The following HERC1 variants were observed in gnomAD, a reference collection of about 807,000 sequenced individuals.
HERC1 encodes HECT and RLD domain containing E3 ubiquitin protein ligase family member 1.
In HERC1, 160 loss-of-function variants were observed where a neutral mutation model predicts 554.3. That is an observed-to-expected ratio of 0.29 (90% CI 0.25 to 0.33). HERC1 has a LOEUF of 0.33. Ranked by LOEUF, HERC1 falls within the 10% of genes least tolerant of loss-of-function variation. The pLI is 1.00. For missense variants in HERC1, 4,919 were observed against 5,918.5 expected (o/e 0.83, Z 5.54); for synonymous variants, 2,175 against 2,131.7 (o/e 1.02, Z -0.56).
chr15:63,754,715 C>G, intron 6 of HERC1, 67 bp from the exon 7 acceptor site: 1 of 1,406,956 alleles, frequency 7.1e-7, no homozygotes, highest in Non-Finnish European at 9.7e-7. Flanking sequence ...CTTGACTTCA[C>G]AAGTATAATA....
chr15:63,609,323 T>C, intron 77 of HERC1, 57 bp from the exon 78 acceptor site: 2 of 1,470,546 alleles, frequency 1.4e-6, no homozygotes, highest in South Asian at 2.7e-5. Flanking sequence ...TAAGGGGGAG[T>C]GGGGCTGCCC....
At chr15:63,617,158 C>G (rs184088011) in intron 74 of HERC1, among the ~76,000 whole-genome samples, 1 of 152,198 alleles carries the variant, frequency 6.6e-6, no homozygotes, top group Non-Finnish European at 1.5e-5. Flanking sequence ...TATCCCTCCC[C>G]GCTCCCCTCA....
chr15:63,612,181 C>T lies in HERC1; in HGVS notation c.14400+70G>A. 1 of 1,353,654 alleles carries T rather than the reference C, an allele frequency of 7.4e-7. No individual in the cohort carries two copies. Among genetic ancestry groups the T allele is most frequent in the Admixed American group, 2.2e-5 (1 of 45,488 alleles). 83.9% of individuals were successfully genotyped at this position (1,353,654 alleles called of 1,614,324 possible). ...CCAGCCTGGGCCACAGAGTGAGACCCTGTCTCAACAAAAACAACAATGAAG... is the reference window on the plus strand; with the variant it reads ...CCAGCCTGGGCCACAGAGTGAGACCTTGTCTCAACAAAAACAACAATGAAG... On this transcript the variant is annotated intron_variant, in intron 77 of 77. Coordinates refer to ENST00000443617, the MANE Select transcript of HERC1 (RefSeq NM_003922.4). The surrounding 1 kb of genome is among the most constrained non-coding windows in gnomAD (Gnocchi z 5.0).
intron 1 of HERC1, among the ~76,000 whole-genome samples, chr15:63,800,286 G>A (rs1001158808): frequency 1.3e-5 from 2 of 152,168 alleles, no homozygotes; most frequent in Non-Finnish European, 2.9e-5. Context: ...TTACTCTAAA[G>A]AACAAAATCT....
chr15:63,669,468 C>A, intron 40 of HERC1, 70 bp downstream of exon 40: 1 of 1,415,156 alleles, frequency 7.1e-7, no homozygotes, highest in Non-Finnish European at 9.9e-7. Context: ...AAACACAATG[C>A]CCACATAATA....
intron 1 of HERC1, among the ~76,000 whole-genome samples, chr15:63,811,706 G>A (rs7170659): frequency 0.26 from 39,123 of 151,112 alleles, 5,564 homozygotes; most frequent in Middle Eastern, 0.38. Context: ...CTACTCAGGA[G>A]GCTGAGGCAG....
chr15:63,624,084 C>T (rs2068199931), intron 72 of HERC1, 74 bp downstream of exon 72: 2 of 1,415,308 alleles, frequency 1.4e-6, no homozygotes, highest in East Asian at 2.3e-5. Context: ...GAAACCAAGA[C>T]TCACAGAAAT....
chr15:63,793,844 T>C lies in HERC1; in HGVS notation c.-26-18195A>G, dbSNP rs181123426. 6.0e-4 allele frequency among the ~76,000 whole-genome samples: 91 copies of C among 152,148 alleles called. No homozygotes were observed. In the Middle Eastern group the frequency reaches 0.027, roughly 45 times the overall value. On this transcript the variant is annotated intron_variant, in intron 1 of 77. Transcript: ENST00000443617. ...AACTCCACCTTGAGTAGGAGCTGGG[T>C]AAAATGAGGCTGAGACCTACTGGGC...
chr15:63,732,441 A>C (rs2074337230), intron 14 of HERC1, among the ~76,000 whole-genome samples: 1 of 152,240 alleles, frequency 6.6e-6, no homozygotes, highest in Non-Finnish European at 1.5e-5. Context: ...GCACTGAATC[A>C]TAATGATCTG....
chr15:63,757,868 CCTGG>C, intron 4 of HERC1, among the ~76,000 whole-genome samples: 1 of 152,092 alleles, frequency 6.6e-6, no homozygotes, highest in East Asian at 1.9e-4. Flanking sequence ...CGCCACCATG[CCTGG>C]CTAATTTTTG....
intron 64 of HERC1, 64 bp from the exon 65 acceptor site, chr15:63,636,206 C>G: frequency 7.0e-6 from 10 of 1,423,912 alleles, no homozygotes; most frequent in Non-Finnish European, 9.7e-6. Flanking sequence ...TTACTTGCAG[C>G]TGCTACTGAA....
Position 63,612,144 on chromosome 15 carries a change from T to C in HERC1, c.14400+107A>G, listed in dbSNP as rs2067628998. On this transcript the variant is annotated intron_variant, in intron 77 of 77. Transcript: ENST00000443617. This position sits in a 1 kb window ranked among gnomAD's most constrained non-coding sequence, Gnocchi z 5.0. ...CGGAGGTTGCAGTAAGCTAAAATCA[T>C]GCCACTGCACTCCAGCCTGGGCCAC... is the stretch of plus-strand genomic sequence containing the variant. The C allele has an allele frequency of 1.0e-6, 1 of 993,934 alleles. No homozygotes were observed. The highest frequency in any genetic ancestry group is 1.5e-6 in the Non-Finnish European group (1 of 685,544). 61.6% of individuals were successfully genotyped at this position (993,934 alleles called of 1,614,324 possible).
chr15:63,752,981 G>C lies in HERC1; in HGVS notation c.1879C>G (p.Leu627Val), dbSNP rs773468578. The change falls in exon 8 of 78, where the codon CTT becomes GTT. Residue 627 changes from leucine to valine, a missense_variant. Leu to Val is a conservative substitution (Grantham distance 32, BLOSUM62 1). This residue lies in a region of HERC1 where 744 missense variants were observed against 1,090.0 expected (regional missense o/e 0.68). Transcript: ENST00000443617. ...ACCTGCCCTGTTGATGTCAAAGCAA[G>C]TGAAGACTGGCTCCCAGCACAAACT... ...RKVCAGSQSS[L>V]ALTSTGQVYA... 4 of 1,613,440 alleles carry C rather than the reference G, an allele frequency of 2.5e-6. No individual in the cohort carries two copies. The highest frequency in any genetic ancestry group is 3.3e-5 in the Admixed American group (2 of 59,964).
At chr15:63,767,898 C>G (rs1449687540) in intron 2 of HERC1, among the ~76,000 whole-genome samples, 1 of 152,214 alleles carries the variant, frequency 6.6e-6, no homozygotes, top group Non-Finnish European at 1.5e-5. Flanking sequence ...CCCAGCAAAG[C>G]TGCAGAGAAG....
intron 10 of HERC1, among the ~76,000 whole-genome samples, chr15:63,748,429 G>C (rs1377325832): frequency 6.6e-6 from 1 of 152,100 alleles, no homozygotes; most frequent in Non-Finnish European, 1.5e-5. Context: ...GCAGAGGGCT[G>C]AGTCACATGA....
Position 63,645,064 on chromosome 15 carries a change from G to A in HERC1, c.11112C>T (p.Arg3704=), listed in dbSNP as rs777491905. ...TGGTCTGTGTAGTATCTTGAGGAAT[G>A]CGCCAAACACATACTAAGCCACTCT... ...GCQSGLVCVW[R]IPQDTTQTNV... is the part of the protein sequence containing the mutation. Residue 3704 remains arginine (R), a synonymous_variant, in exon 57 of 78, where the codon CGC becomes CGT. Transcript: ENST00000443617. 1.2e-6 allele frequency: 2 copies of A among 1,613,638 alleles called. No homozygotes were observed. Among genetic ancestry groups the A allele is most frequent in the Non-Finnish European group, 1.7e-6 (2 of 1,179,784 alleles).
chr15:63,617,999 CTTTAG>C (rs2067899314), intron 74 of HERC1, among the ~76,000 whole-genome samples: 4 of 152,100 alleles, frequency 2.6e-5, no homozygotes, highest in Middle Eastern at 3.4e-3. Context: ...TGCAGAAGCT[CTTTAG>C]TTTAATTAGA....
Position 63,775,396 on chromosome 15 carries a change from G to C in HERC1, c.228C>G (p.Asp76Glu), listed in dbSNP as rs376195217. ...ERESLSSDEQ[D>E]HYLDALLSSQ... ...TGCTAAGAAGGGCATCCAAATAGTG[G>C]TCCTGCTCATCACTTGAAAGAGACT... Residue 76 changes from aspartate (D) to glutamate (E), a missense_variant, in exon 2 of 78, where the codon GAC (aspartate) becomes GAG (glutamate). Around this residue, in one of 11 missense-constraint regions of HERC1, gnomAD observed 110 missense variants for 99.3 expected, o/e 1.11. Coordinates refer to ENST00000443617, the MANE Select transcript of HERC1 (RefSeq NM_003922.4). The surrounding 1 kb of genome is among the most constrained non-coding windows in gnomAD (Gnocchi z 4.0). 5.0e-3 allele frequency: 8,071 copies of C among 1,613,988 alleles called. 361 individuals carry two copies. In the South Asian group the frequency reaches 0.084, roughly 17 times the overall value.
intron 26 of HERC1, 60 bp from the exon 27 acceptor site, chr15:63,696,399 T>C: frequency 8.3e-7 from 1 of 1,208,058 alleles, no homozygotes; most frequent in Non-Finnish European, 1.2e-6. Context: ...TGAAACTCTG[T>C]ATGCCAAAAA....
Sources: allele counts gnomAD v4.1 joint callset (sites outside exome capture counted in the v4.1 genomes callset), GRCh38; gene constraint gnomAD v4.1.1; regional missense constraint gnomAD v4.1.1; non-coding constraint Gnocchi (gnomAD v3.1); transcripts MANE v1.5; gene names NCBI Gene and HGNC (gene_info 2026-07-23, HGNC 2026-07-21).